RBX1: variants seen among roughly 807,000 people sequenced by gnomAD.
RBX1 encodes ring-box 1.
For missense variants in RBX1, 46 were observed against 141.4 expected (o/e 0.33, Z 3.42); for synonymous variants, 48 against 47.9 (o/e 1.00, Z -0.01).
At chr22:40,971,803 C>T (rs2058369733) in intron 4 of RBX1, among the ~76,000 whole-genome samples, 1 of 152,066 alleles carries the variant, frequency 6.6e-6, no homozygotes, top group African/African-American at 2.4e-5. Flanking sequence ...GTGATCTGCC[C>T]ACCTCAGCCC....
At chr22:40,970,424 C>T (rs1483654400) in intron 4 of RBX1, among the ~76,000 whole-genome samples, 3 of 151,794 alleles carry the variant, frequency 2.0e-5, no homozygotes, top group South Asian at 2.1e-4. Context: ...TAAGAATACA[C>T]ACTAATTTAT....
chr22:40,959,765 T>C (rs1424662822), intron 2 of RBX1, among the ~76,000 whole-genome samples: 1 of 151,998 alleles, frequency 6.6e-6, no homozygotes, highest in African/African-American at 2.4e-5. Context: ...GAGCCAAGAT[T>C]GCACCAGTGC....
At chr22:40,964,445 T>C in intron 3 of RBX1, 1 of 217,364 alleles carries the variant, frequency 4.6e-6, no homozygotes, top group Non-Finnish European at 9.4e-6. Flanking sequence ...TTTGTACCTT[T>C]GAAACAGGCT....
chr22:40,964,827 C>T (rs1334670908), intron 3 of RBX1, among the ~76,000 whole-genome samples: 1 of 152,160 alleles, frequency 6.6e-6, no homozygotes, highest in Non-Finnish European at 1.5e-5. Context: ...ACCACCATTC[C>T]CTGTCTTTGT....
At chr22:40,971,816 C>T (rs1569046646) in intron 4 of RBX1, among the ~76,000 whole-genome samples, 1 of 152,110 alleles carries the variant, frequency 6.6e-6, no homozygotes, top group Non-Finnish European at 1.5e-5. Flanking sequence ...CTCAGCCCCC[C>T]AAAGTGCTGG....
At chr22:40,951,579 G>A (rs971944962) in intron 1 of RBX1, 103 bp downstream of exon 1, 5 of 1,089,098 alleles carry the variant, frequency 4.6e-6, no homozygotes, top group Admixed American at 4.9e-5. Flanking sequence ...TTCATTTCAG[G>A]GCGTTCCTGG....
intron 2 of RBX1, among the ~76,000 whole-genome samples, chr22:40,956,849 C>A (rs1171757317): frequency 6.6e-6 from 1 of 151,448 alleles, no homozygotes; most frequent in African/African-American, 2.4e-5. Flanking sequence ...TCCTGGCTAA[C>A]AAGGTGAAAC....
At chr22:40,961,972 A>T (rs1377367634) in intron 2 of RBX1, among the ~76,000 whole-genome samples, 1 of 151,798 alleles carries the variant, frequency 6.6e-6, no homozygotes, top group Non-Finnish European at 1.5e-5. Context: ...CTTAGTAGAG[A>T]GGGGGTTTTG....
intron 3 of RBX1, chr22:40,966,238 G>T (rs2058354058): frequency 6.6e-6 from 1 of 152,214 alleles, no homozygotes; most frequent in Non-Finnish European, 1.5e-5. Flanking sequence ...TCTGTAAATT[G>T]TACTTTGACC....
intron 2 of RBX1, among the ~76,000 whole-genome samples, chr22:40,956,542 G>C (rs1303812491): frequency 6.6e-6 from 1 of 151,474 alleles, no homozygotes; most frequent in Non-Finnish European, 1.5e-5. Context: ...TGAGAGACAG[G>C]GTTTCACCAT....
At position 40,956,160 on chromosome 22, in the gene RBX1, A is replaced by G. The variant is rs542678428; in HGVS notation, c.157+2527A>G. Among the ~76,000 whole-genome samples, 319 of 152,196 alleles carry G rather than the reference A, an allele frequency of 2.1e-3. 1 individual carries two copies. Among genetic ancestry groups the G allele is most frequent in the Non-Finnish European group, 3.2e-3 (217 of 67,992 alleles). On this transcript the variant is annotated intron_variant, in intron 2 of 4. Transcript: ENST00000216225. ...ACCACAGAAGACAAAGGCGATCTATATTGTCTTCTCTTAGAGTGAAATGCT... is the reference window on the plus strand; with the variant it reads ...ACCACAGAAGACAAAGGCGATCTATGTTGTCTTCTCTTAGAGTGAAATGCT...
rs2058310170 is a variant in RBX1, at chr22:40,951,496, T to C, written c.78+20T>C. The stretch of plus-strand genomic sequence containing the variant: ...AAAAAGGTTGGGTCTCGCCAGCGCC[T>C]TCCTCAGGGAAGCTAGAGAGGCGCG... On this transcript the variant is annotated intron_variant, in intron 1 of 4. Transcript: ENST00000216225. 6.2e-7 allele frequency: 1 copy of C among 1,609,974 alleles called. No individual in the cohort carries two copies.
chr22:40,961,892 C>G (rs2058341546), intron 2 of RBX1, among the ~76,000 whole-genome samples: 1 of 151,966 alleles, frequency 6.6e-6, no homozygotes, highest in Non-Finnish European at 1.5e-5. Flanking sequence ...TCAAGTGATT[C>G]TCCTGCCTCA....
At chr22:40,963,719 C>T (rs567875325) in intron 2 of RBX1, among the ~76,000 whole-genome samples, 6 of 152,134 alleles carry the variant, frequency 3.9e-5, no homozygotes, top group East Asian at 1.9e-4. Flanking sequence ...TGTGGTGGCA[C>T]GCACCTGTAG....
Position 40,969,561 on chromosome 22 carries a change from T to C in RBX1, c.314+1677T>C, listed in dbSNP as rs370979334. ...GTCCACTAGTTCGAGACCAGCCTGG[T>C]AACATGTTGAAACCCCATCTCTACC... On this transcript the variant is annotated intron_variant, in intron 4 of 4. Coordinates refer to ENST00000216225, the MANE Select transcript of RBX1 (RefSeq NM_014248.4). Among the ~76,000 whole-genome samples the C allele has an allele frequency of 3.3e-5, 5 of 151,932 alleles. No homozygotes were observed. The East Asian group carries it at 9.7e-4, about 29-fold the overall frequency.
chr22:40,955,560 GA>G (rs1214965813), intron 2 of RBX1, among the ~76,000 whole-genome samples: 12 of 152,154 alleles, frequency 7.9e-5, no homozygotes, highest in African/African-American at 2.9e-4. Flanking sequence ...TACTATCTTT[GA>G]AATTCTGTGT....
At chr22:40,952,032 A>T (rs149940064) in intron 1 of RBX1, among the ~76,000 whole-genome samples, 2 of 152,128 alleles carry the variant, frequency 1.3e-5, no homozygotes, top group Non-Finnish European at 2.9e-5. Flanking sequence ...GCCTGGTTAG[A>T]GTCTGGAGTG....
chr22:40,951,378 G>T lies in RBX1; in HGVS notation c.-21G>T, dbSNP rs745465957. ...TGCTGCGCAGGCGCGGTGGTCGGAC[G>T]ACAGACCGTGTGTTTCCAAAATGGC... On this transcript the variant is annotated 5_prime_UTR_variant, in exon 1 of 5. Transcript: ENST00000216225. 1.2e-6 allele frequency: 2 copies of T among 1,610,784 alleles called. No homozygotes were observed. Among genetic ancestry groups the T allele is most frequent in the South Asian group, 1.1e-5 (1 of 90,968 alleles).
chr22:40,959,065 C>T (rs552453165), intron 2 of RBX1, among the ~76,000 whole-genome samples: 1 of 152,314 alleles, frequency 6.6e-6, no homozygotes, highest in East Asian at 1.9e-4. Flanking sequence ...ATCCACCCGG[C>T]TCGGCCTCCC....
Sources: gnomAD v4.1 joint callset for allele counts (sites outside exome capture counted in the v4.1 genomes callset) on GRCh38, gnomAD v4.1.1 for gene constraint, MANE v1.5 for transcripts, NCBI Gene and HGNC (gene_info 2026-07-23, HGNC 2026-07-21) for gene names.